The following RBFOX1 variants were observed in gnomAD, a reference collection of about 807,000 sequenced individuals.
RBFOX1 encodes RNA binding protein fox-1 homolog 1.
In RBFOX1, 8 loss-of-function variants were observed where a neutral mutation model predicts 57.7. That is an observed-to-expected ratio of 0.14 (90% CI 0.08 to 0.25). The LOEUF (loss-of-function observed/expected upper bound fraction) is 0.25, where lower values mean the gene tolerates loss of function less well. Among genes scored for constraint, RBFOX1 ranks in the 10% least tolerant of loss-of-function variants. The pLI is 1.00. For missense variants in RBFOX1, 611 were observed against 548.5 expected (o/e 1.11, Z -1.14); for synonymous variants, 326 against 222.4 (o/e 1.47, Z -4.15).
chr16:6,990,361 C>A (rs541517448), intron 3 of RBFOX1, among the ~76,000 whole-genome samples: 22 of 152,150 alleles, frequency 1.4e-4, no homozygotes, highest in African/African-American at 4.6e-4. Context: ...CCCATTTCTA[C>A]TAAAAATACA....
At chr16:5,890,184 A>G (rs72769075) in intron 4 of RBFOX1, among the ~76,000 whole-genome samples, 1,879 of 152,276 alleles carry the variant, frequency 0.012, 23 homozygotes, top group Non-Finnish European at 0.02. Flanking sequence ...GTGCTTAAGT[A>G]CGATACTGTA....
At chr16:5,584,269 C>G (rs1278457806) in intron 2 of RBFOX1, among the ~76,000 whole-genome samples, 1 of 152,204 alleles carries the variant, frequency 6.6e-6, no homozygotes, top group Non-Finnish European at 1.5e-5. Flanking sequence ...CTGTAATAAT[C>G]CGTGTCTCTT....
chr16:7,482,384 C>G (rs987022997), intron 4 of RBFOX1, among the ~76,000 whole-genome samples: 1 of 152,112 alleles, frequency 6.6e-6, no homozygotes, highest in Non-Finnish European at 1.5e-5. Context: ...GCACAGCTGA[C>G]AGTGATTGCT....
chr16:5,500,746 C>T (rs1244168760), intron 2 of RBFOX1, among the ~76,000 whole-genome samples: 1 of 152,210 alleles, frequency 6.6e-6, no homozygotes, highest in Non-Finnish European at 1.5e-5. Context: ...TTAGTGCAGC[C>T]TCTAATTCCA....
chr16:5,329,982 C>CA (rs71142613), intron 1 of RBFOX1, among the ~76,000 whole-genome samples: 7,016 of 143,406 alleles, frequency 0.049, 666 homozygotes, highest in African/African-American at 0.19. Context: ...GACTCTGTCT[C>CA]AAAAAAAAAA....
intron 2 of RBFOX1, among the ~76,000 whole-genome samples, chr16:6,568,391 C>T (rs1209458577): frequency 1.3e-5 from 2 of 152,040 alleles, no homozygotes; most frequent in Admixed American, 1.3e-4. Context: ...GGAGACATGG[C>T]GGATGGCTCT....
At chr16:5,859,922 G>C (rs1376094576) in intron 3 of RBFOX1, among the ~76,000 whole-genome samples, 2 of 152,152 alleles carry the variant, frequency 1.3e-5, no homozygotes, top group African/African-American at 4.8e-5. Context: ...CAGTTGACTG[G>C]CACATTGGTC....
intron 2 of RBFOX1, among the ~76,000 whole-genome samples, chr16:5,485,394 C>T (rs1024051814): frequency 1.4e-5 from 2 of 140,942 alleles, no homozygotes; most frequent in African/African-American, 5.3e-5. Context: ...TATTACTCAA[C>T]GGAATAGGAC....
At chr16:7,280,320 C>T (rs1311711851) in intron 4 of RBFOX1, among the ~76,000 whole-genome samples, 1 of 152,216 alleles carries the variant, frequency 6.6e-6, no homozygotes, top group Non-Finnish European at 1.5e-5. Context: ...GAATAGAGTC[C>T]TTCTTCTCCC....
At chr16:7,504,789 A>ATATATATATATATT (rs1567555453) in intron 4 of RBFOX1, among the ~76,000 whole-genome samples, 6 of 23,466 alleles carry the variant, frequency 2.6e-4, no homozygotes, top group Admixed American at 1.1e-3. Context: ...ATATATATTT[A>ATATATATATATATT]TATATATATA....
chr16:6,415,375 G>A (rs2093595637), intron 2 of RBFOX1, among the ~76,000 whole-genome samples: 1 of 151,770 alleles, frequency 6.6e-6, no homozygotes, highest in African/African-American at 2.4e-5. Flanking sequence ...AGCTCATACA[G>A]CTAGGAAGAA....
chr16:5,493,997 C>T (rs963025160), intron 2 of RBFOX1, among the ~76,000 whole-genome samples: 1 of 152,128 alleles, frequency 6.6e-6, no homozygotes, highest in Non-Finnish European at 1.5e-5. Flanking sequence ...GATAAACAGC[C>T]TTCTTGTGGG....
At chr16:5,765,545 T>G (rs1017770032) in intron 3 of RBFOX1, among the ~76,000 whole-genome samples, 3 of 152,222 alleles carry the variant, frequency 2.0e-5, no homozygotes, top group Non-Finnish European at 1.5e-5. Flanking sequence ...GAATACCTAG[T>G]GCCAGACACA....
intron 12 of RBFOX1, among the ~76,000 whole-genome samples, chr16:7,655,543 G>A (rs2066100336): frequency 6.6e-6 from 1 of 152,126 alleles, no homozygotes; most frequent in African/African-American, 2.4e-5. Context: ...TGGTATCACA[G>A]CAATGAGCCC....
At chr16:6,380,985 A>G (rs907150997) in intron 2 of RBFOX1, among the ~76,000 whole-genome samples, 1 of 152,122 alleles carries the variant, frequency 6.6e-6, no homozygotes, top group Non-Finnish European at 1.5e-5. Flanking sequence ...TTTTAAAATA[A>G]TCTTGCTGGG....
chr16:5,303,067 C>G (rs544277608), intron 1 of RBFOX1, among the ~76,000 whole-genome samples: 1 of 152,156 alleles, frequency 6.6e-6, no homozygotes, highest in Non-Finnish European at 1.5e-5. Flanking sequence ...TTTGTGTGTG[C>G]TTTTTTGGGG....
chr16:6,831,450 C>T (rs1257488043), intron 3 of RBFOX1, among the ~76,000 whole-genome samples: 1 of 152,210 alleles, frequency 6.6e-6, no homozygotes, highest in Non-Finnish European at 1.5e-5. Flanking sequence ...AATTATACCT[C>T]AGCAAACCCT....
chr16:5,654,797 C>G (rs1344128351), intron 3 of RBFOX1, among the ~76,000 whole-genome samples: 1 of 152,128 alleles, frequency 6.6e-6, no homozygotes, highest in African/African-American at 2.4e-5. Context: ...TTTCCTCTCT[C>G]TCTCTCTCTG....
In RBFOX1 at chr16:6,246,726, G is replaced by A. The variant is rs551863747; in HGVS notation, c.-126-70269G>A. On this transcript the variant is annotated intron_variant, in intron 1 of 15. Coordinates refer to ENST00000550418, the MANE Select transcript of RBFOX1 (RefSeq NM_018723.4). ...TATAACTGCGGACTGGATAGGGAGC[G>A]TTTGTCCAGGCTGGTGCTGCCGCGG... 7.1e-4 allele frequency among the ~76,000 whole-genome samples: 108 copies of A among 152,302 alleles called. 1 individual carries two copies. The highest frequency in any genetic ancestry group is 1.3e-3 in the Non-Finnish European group (91 of 68,028).
Sources: allele counts gnomAD v4.1 joint callset (sites outside exome capture counted in the v4.1 genomes callset), GRCh38; gene constraint gnomAD v4.1.1; transcripts MANE v1.5; gene names NCBI Gene and HGNC (gene_info 2026-07-23, HGNC 2026-07-21).